Variants in LUZP2 observed in about 807,000 individuals in gnomAD.
LUZP2 encodes leucine zipper protein 2.
A neutral mutation model predicts 51.6 loss-of-function variants in LUZP2; 52 were observed. The observed-to-expected ratio is 1.01, with a 90% confidence interval of 0.81 to 1.27. The LOEUF (loss-of-function observed/expected upper bound fraction) is 1.27. Ranked by LOEUF, LUZP2 falls within the 50% of genes most tolerant of loss-of-function variation. LUZP2 has a pLI of 0.00. For synonymous variants in LUZP2, 154 were observed against 137.3 expected (o/e 1.12, Z -0.85); for missense variants, 436 against 395.4 (o/e 1.10, Z -0.87).
intron 7 of LUZP2, 119 bp from the exon 8 acceptor site, chr11:24,976,472 C>CT (rs1565181686): frequency 6.0e-6 from 3 of 499,614 alleles, no homozygotes; most frequent in Non-Finnish European, 6.6e-6. Context: ...TTACAGGACA[C>CT]TGTTTTTTTT....
At chr11:24,600,066 A>C (rs1853570039) in intron 1 of LUZP2, among the ~76,000 whole-genome samples, 1 of 152,052 alleles carries the variant, frequency 6.6e-6, no homozygotes, top group Non-Finnish European at 1.5e-5. Context: ...ACCTTACTTG[A>C]AAATAGGGTC....
intron 1 of LUZP2, among the ~76,000 whole-genome samples, chr11:24,683,175 A>G (rs1856801599): frequency 6.6e-6 from 1 of 152,216 alleles, no homozygotes; most frequent in Admixed American, 6.5e-5. Context: ...ACAGGCCGGC[A>G]GGCTAGACAA....
At chr11:24,641,068 C>T (rs1216241581) in intron 1 of LUZP2, among the ~76,000 whole-genome samples, 2 of 151,422 alleles carry the variant, frequency 1.3e-5, no homozygotes, top group African/African-American at 4.9e-5. Context: ...TATGTGCCAC[C>T]ATGGCCAGCC....
intron 7 of LUZP2, among the ~76,000 whole-genome samples, chr11:24,919,715 A>G (rs1313216874): frequency 2.0e-5 from 3 of 149,838 alleles, no homozygotes; most frequent in Non-Finnish European, 4.5e-5. Flanking sequence ...ATCCTTTCTT[A>G]TTTTTAACTT....
intron 5 of LUZP2, among the ~76,000 whole-genome samples, chr11:24,783,699 A>G (rs1590518937): frequency 6.6e-6 from 1 of 151,898 alleles, no homozygotes; most frequent in African/African-American, 2.4e-5. Context: ...AACTGACCCT[A>G]CTGTTTGCTC....
chr11:24,909,692 A>G (rs750419193), intron 6 of LUZP2, among the ~76,000 whole-genome samples: 1 of 152,168 alleles, frequency 6.6e-6, no homozygotes, highest in Non-Finnish European at 1.5e-5. Flanking sequence ...AAGCAGAATT[A>G]TCTTAGAGGG....
intron 7 of LUZP2, among the ~76,000 whole-genome samples, chr11:24,941,622 G>A (rs1429671517): frequency 6.6e-6 from 1 of 152,028 alleles, no homozygotes; most frequent in African/African-American, 2.4e-5. Flanking sequence ...AGTTTGGGTG[G>A]TATCCCACTC....
chr11:24,512,813 G>T (rs1373095169), intron 1 of LUZP2, among the ~76,000 whole-genome samples: 1 of 150,364 alleles, frequency 6.7e-6, no homozygotes, highest in Non-Finnish European at 1.5e-5. Flanking sequence ...GCAGTGGCAC[G>T]ATCTCAGCTC....
At chr11:24,911,933 A>G (rs1032699306) in intron 6 of LUZP2, among the ~76,000 whole-genome samples, 1 of 152,146 alleles carries the variant, frequency 6.6e-6, no homozygotes, top group Non-Finnish European at 1.5e-5. Flanking sequence ...TGCATCATGC[A>G]TTTCACCTTC....
chr11:25,067,563 CAT>C (rs1333344613), intron 10 of LUZP2, among the ~76,000 whole-genome samples: 1 of 151,784 alleles, frequency 6.6e-6, no homozygotes, highest in East Asian at 1.9e-4. Context: ...GGCCAAGAAA[CAT>C]GTGAAAAATG....
chr11:24,978,787 A>G (rs917750809), intron 8 of LUZP2, among the ~76,000 whole-genome samples: 4 of 151,736 alleles, frequency 2.6e-5, no homozygotes, highest in Non-Finnish European at 4.4e-5. Flanking sequence ...CGGTATAGTC[A>G]CAAAACACTT....
At chr11:24,772,679 A>G (rs1056387091) in intron 5 of LUZP2, among the ~76,000 whole-genome samples, 3 of 152,200 alleles carry the variant, frequency 2.0e-5, no homozygotes, top group African/African-American at 7.2e-5. Flanking sequence ...CTAAAACAAC[A>G]GGAATTTCCT....
At chr11:24,857,592 T>G (rs1590648264) in intron 5 of LUZP2, among the ~76,000 whole-genome samples, 1 of 151,006 alleles carries the variant, frequency 6.6e-6, no homozygotes, top group South Asian at 2.1e-4. Context: ...AGGATTGCTG[T>G]GAATGTTAAA....
chr11:24,524,538 C>A (rs1850734131), intron 1 of LUZP2, among the ~76,000 whole-genome samples: 1 of 151,652 alleles, frequency 6.6e-6, no homozygotes, highest in South Asian at 2.1e-4. Context: ...TCCCTGAAGT[C>A]TTTTGAAAAC....
At chr11:24,826,111 G>C (rs1343830665) in intron 5 of LUZP2, among the ~76,000 whole-genome samples, 9 of 145,034 alleles carry the variant, frequency 6.2e-5, no homozygotes, top group African/African-American at 2.3e-4. Context: ...GGGAGACGGA[G>C]CTTGCAGTGA....
intron 5 of LUZP2, among the ~76,000 whole-genome samples, chr11:24,781,881 AT>A (rs1849104971): frequency 6.6e-6 from 1 of 151,986 alleles, no homozygotes; most frequent in African/African-American, 2.4e-5. Flanking sequence ...GCACCTGGGG[AT>A]CTTACAAAAA....
chr11:24,581,670 A>C (rs1852860304), intron 1 of LUZP2, among the ~76,000 whole-genome samples: 1 of 137,084 alleles, frequency 7.3e-6, no homozygotes, highest in Non-Finnish European at 1.5e-5. Context: ...GACTCTGTCT[A>C]AAATATAAAT....
chr11:24,565,259 A>G (rs117328323), intron 1 of LUZP2, among the ~76,000 whole-genome samples: 2,170 of 152,264 alleles, frequency 0.014, 42 homozygotes, highest in South Asian at 0.059. Context: ...AGAAAAGCAG[A>G]TGCATTAAAT....
intron 7 of LUZP2, among the ~76,000 whole-genome samples, chr11:24,928,489 T>C (rs1432625646): frequency 3.9e-5 from 6 of 152,222 alleles, no homozygotes; most frequent in Non-Finnish European, 8.8e-5. Flanking sequence ...AAGGTGATCA[T>C]GTAATTTTTT....
Sources: allele counts gnomAD v4.1 joint callset (sites outside exome capture counted in the v4.1 genomes callset), GRCh38; gene constraint gnomAD v4.1.1; transcripts MANE v1.5; gene names NCBI Gene and HGNC (gene_info 2026-07-23, HGNC 2026-07-21).